BBX: variants seen among roughly 807,000 people sequenced by gnomAD.
BBX encodes HMG box transcription factor BBX.
BBX carries 30 observed loss-of-function variants against 100.2 expected under a neutral mutation model. The ratio of observed to expected loss-of-function variants is 0.30; its 90% CI spans 0.22 to 0.41. The LOEUF is 0.41. BBX is among the 10% of genes least tolerant of loss of function. BBX has a pLI of 1.00. For synonymous variants in BBX, 376 were observed against 388.1 expected, an observed-to-expected ratio of 0.97 and a Z score of 0.37; for missense variants, 1,023 against 1,129.8, an observed-to-expected ratio of 0.91 and a Z score of 1.35.
At chr3:107,763,151 C>T (rs1054455863) in intron 10 of BBX, among the ~76,000 whole-genome samples, 1 of 152,010 alleles carries the variant, frequency 6.6e-6, no homozygotes, top group African/African-American at 2.4e-5. Context: ...ACTTCTGATG[C>T]CAAGGTTTTC....
chr3:107,700,418 A>C (rs1048653811), intron 3 of BBX, among the ~76,000 whole-genome samples: 1 of 27,958 alleles, frequency 3.6e-5, no homozygotes, highest in African/African-American at 2.0e-4. Flanking sequence ...CATCATCATT[A>C]TTATTATTAT....
chr3:107,659,813 A>G (rs942707428), intron 3 of BBX: 6 of 1,160,002 alleles, frequency 5.2e-6, no homozygotes, highest in Non-Finnish European at 4.6e-6. Context: ...GTTTAGTGAG[A>G]CTAGAAATGC....
intron 2 of BBX, among the ~76,000 whole-genome samples, chr3:107,575,124 G>A (rs583305): frequency 0.11 from 16,357 of 152,142 alleles, 992 homozygotes; most frequent in Non-Finnish European, 0.12. Context: ...AAAACAATTC[G>A]TCTCAGTGAA....
At chr3:107,544,817 A>T (rs1252977009) in intron 2 of BBX, among the ~76,000 whole-genome samples, 3 of 150,808 alleles carry the variant, frequency 2.0e-5, no homozygotes, top group Non-Finnish European at 4.4e-5. Flanking sequence ...CATCCTGGCT[A>T]ACACAGTGAA....
intron 10 of BBX, among the ~76,000 whole-genome samples, chr3:107,771,211 C>A (rs1247744523): frequency 6.6e-6 from 1 of 152,090 alleles, no homozygotes; most frequent in East Asian, 1.9e-4. Context: ...CATTAGTGTC[C>A]TCCATGGGGG....
chr3:107,788,671 A>G (rs2068685824), intron 13 of BBX, among the ~76,000 whole-genome samples: 1 of 152,010 alleles, frequency 6.6e-6, no homozygotes, highest in Non-Finnish European at 1.5e-5. Flanking sequence ...GTTACTCAGG[A>G]GGCTGAGGTG....
Position 107,772,926 on chromosome 3 carries a change from A to T in BBX, c.1205A>T (p.Lys402Ile). 4 of 1,612,014 alleles carry T rather than the reference A, an allele frequency of 2.5e-6. No homozygotes were observed. The highest frequency in any genetic ancestry group is 3.4e-6 in the Non-Finnish European group (4 of 1,179,458). ...AAGGAAGAGTTAGAAGAAGATCACA[A>T]ATGTAGTCATTTTCCTGATTTTTCT... is the stretch of plus-strand genomic sequence containing the variant. Reference protein sequence around the residue: ...IRKEELEEDHKCSHFPDFSYS... With the variant: ...IRKEELEEDHICSHFPDFSYS... Residue 402 changes from lysine (K) to isoleucine (I), a missense_variant, in exon 11 of 18, where the codon AAA becomes ATA. Coordinates refer to ENST00000325805, the MANE Select transcript of BBX (RefSeq NM_001142568.3).
chr3:107,643,982 A>G (rs2057372614), intron 2 of BBX, among the ~76,000 whole-genome samples: 1 of 152,096 alleles, frequency 6.6e-6, no homozygotes, highest in Admixed American at 6.6e-5. Flanking sequence ...ATTTTAAGAG[A>G]TTTAAAAAAC....
chr3:107,795,845 C>G (rs572537790), intron 15 of BBX, among the ~76,000 whole-genome samples: 1 of 152,150 alleles, frequency 6.6e-6, no homozygotes, highest in African/African-American at 2.4e-5. Flanking sequence ...CCTTACGCTT[C>G]TTACTGTGTT....
intron 2 of BBX, among the ~76,000 whole-genome samples, chr3:107,595,208 A>G (rs2053597276): frequency 6.6e-6 from 1 of 152,198 alleles, no homozygotes; most frequent in Non-Finnish European, 1.5e-5. Context: ...TTAAATACAT[A>G]CGAGGTTCAG....
intron 3 of BBX, among the ~76,000 whole-genome samples, chr3:107,675,161 C>A (rs1022152668): frequency 6.6e-6 from 1 of 151,976 alleles, no homozygotes; most frequent in Non-Finnish European, 1.5e-5. Context: ...AGTTTCAGAC[C>A]CTGGAGACTG....
At chr3:107,754,833 A>G (rs2065349341) in intron 9 of BBX, among the ~76,000 whole-genome samples, 2 of 152,234 alleles carry the variant, frequency 1.3e-5, no homozygotes, top group South Asian at 4.1e-4. Flanking sequence ...TTAAGAATGT[A>G]TGTCCTTCTC....
At chr3:107,567,241 C>CA (rs2050986959) in intron 2 of BBX, among the ~76,000 whole-genome samples, 1 of 149,228 alleles carries the variant, frequency 6.7e-6, no homozygotes, top group Non-Finnish European at 1.5e-5. Flanking sequence ...TACATATATT[C>CA]GTATCAGGTT....
intron 1 of BBX, chr3:107,523,485 G>C (rs1484987672): frequency 2.0e-5 from 3 of 152,460 alleles, no homozygotes; most frequent in Non-Finnish European, 4.4e-5. Context: ...GCCGGTGCCA[G>C]GCTGCGTTTG....
intron 3 of BBX, among the ~76,000 whole-genome samples, chr3:107,699,376 A>G (rs142216304): frequency 3.7e-4 from 56 of 152,044 alleles, no homozygotes; most frequent in Non-Finnish European, 7.3e-4. Flanking sequence ...GAATGAGCAA[A>G]GAAACATCAG....
chr3:107,535,355 T>C (rs1227505015), intron 2 of BBX, among the ~76,000 whole-genome samples: 1 of 152,180 alleles, frequency 6.6e-6, no homozygotes, highest in African/African-American at 2.4e-5. Flanking sequence ...ACCTGGGGCT[T>C]GTAAATTTTC....
intron 2 of BBX, among the ~76,000 whole-genome samples, chr3:107,578,941 T>A (rs978934829): frequency 1.3e-5 from 2 of 152,102 alleles, no homozygotes; most frequent in East Asian, 3.9e-4. Flanking sequence ...TCTTGAGGCA[T>A]TTGAGATATT....
chr3:107,745,907 G>A (rs2064552721), intron 8 of BBX, among the ~76,000 whole-genome samples: 2 of 152,078 alleles, frequency 1.3e-5, no homozygotes, highest in African/African-American at 2.4e-5. Context: ...GTTAGCATGT[G>A]TACATTTTTG....
At chr3:107,755,061 A>G (rs201192033) in intron 9 of BBX, among the ~76,000 whole-genome samples, 4 of 152,202 alleles carry the variant, frequency 2.6e-5, no homozygotes, top group Non-Finnish European at 5.9e-5. Flanking sequence ...CAGTCTTTGC[A>G]TGTACATTAA....
Sources: gnomAD v4.1 joint callset for allele counts (sites outside exome capture counted in the v4.1 genomes callset) on GRCh38, gnomAD v4.1.1 for gene constraint, MANE v1.5 for transcripts, NCBI Gene and HGNC (gene_info 2026-07-23, HGNC 2026-07-21) for gene names.